Variants in MYOM3 observed in about 807,000 individuals in gnomAD.
The protein encoded by MYOM3 is myomesin-3.
Under a neutral mutation model 191.7 loss-of-function variants are expected in MYOM3, and 155 were observed. The ratio of observed to expected loss-of-function variants is 0.81; its 90% CI spans 0.71 to 0.92. The LOEUF (loss-of-function observed/expected upper bound fraction) is 0.92. Ranked by LOEUF, MYOM3 falls within the 40% of genes least tolerant of loss-of-function variation. MYOM3 has a pLI of 0.00. For missense variants in MYOM3, 1,889 were observed against 1,890.6 expected (o/e 1.00, Z 0.02); for synonymous variants, 757 against 762.9 (o/e 0.99, Z 0.13).
At chr1:24,085,381 G>T (rs886097502) in intron 15 of MYOM3, among the ~76,000 whole-genome samples, 1 of 152,184 alleles carries the variant, frequency 6.6e-6, no homozygotes, top group Non-Finnish European at 1.5e-5. Flanking sequence ...TGAATAGATG[G>T]ATAGATGGAC....
intron 36 of MYOM3, 75 bp downstream of exon 36, chr1:24,058,849 G>A: frequency 9.0e-7 from 1 of 1,105,224 alleles, no homozygotes; most frequent in East Asian, 2.4e-5. Context: ...GTGCTGCATT[G>A]TTTCGTGATC....
chr1:24,102,762 C>T (rs1643947162), intron 5 of MYOM3, among the ~76,000 whole-genome samples: 3 of 152,144 alleles, frequency 2.0e-5, no homozygotes, highest in Admixed American at 6.5e-5. Context: ...AGGACGATCG[C>T]TTGAGCCCAG....
Position 24,080,145 on chromosome 1 carries a change from C to T in MYOM3, c.2457G>A (p.Val819=), listed in dbSNP as rs1403682435. 3 of 1,613,804 alleles carry T rather than the reference C, an allele frequency of 1.9e-6. No homozygotes were observed. The highest frequency in any genetic ancestry group is 2.5e-6 in the Non-Finnish European group (3 of 1,179,830). ...RASEVRATSL[V]LQWEPPLYMG... is the part of the protein sequence containing the mutation. ...TATACAGTGGGGGTTCCCACTGCAG[C>T]ACCAGGGATGTGGCCCGCACCTCGG... is the stretch of plus-strand genomic sequence containing the variant. The change falls in exon 20 of 37, where the codon GTG becomes GTA. Residue 819 remains valine, a synonymous_variant. Coordinates refer to ENST00000374434, the MANE Select transcript of MYOM3 (RefSeq NM_152372.4).
At position 24,063,402 on chromosome 1, in the gene MYOM3, AC is replaced by A; in HGVS notation, c.3661+89del. The stretch of plus-strand genomic sequence containing the variant: ...GTGTTTGAGGTTAGAAACTAAACCC[AC>A]CCCCAATAGCCAAGGCCAGTGTTAG... On this transcript the variant is annotated intron_variant, in intron 31 of 36. Transcript: ENST00000374434. The surrounding 1 kb of genome is among the most constrained non-coding windows in gnomAD (Gnocchi z 4.5). The A allele has an allele frequency of 4.5e-6, 7 of 1,538,734 alleles. No individual in the cohort carries two copies. Among genetic ancestry groups the A allele is most frequent in the Non-Finnish European group, 6.3e-6 (7 of 1,112,576 alleles).
intron 23 of MYOM3, among the ~76,000 whole-genome samples, chr1:24,073,731 C>T (rs1296365830): frequency 1.3e-5 from 2 of 151,926 alleles, no homozygotes; most frequent in Non-Finnish European, 2.9e-5. Flanking sequence ...AGCATGGTGG[C>T]AGGCACCTGT....
intron 35 of MYOM3, among the ~76,000 whole-genome samples, chr1:24,060,132 G>A (rs1045465921): frequency 6.6e-6 from 1 of 152,160 alleles, no homozygotes; most frequent in Non-Finnish European, 1.5e-5. Context: ...ATTCCACTAT[G>A]GGCAGGGACA....
At chr1:24,082,760 A>AG (rs745351281) in intron 16 of MYOM3, 46 bp from the exon 17 acceptor site, 1 of 1,523,724 alleles carries the variant, frequency 6.6e-7, no homozygotes, top group South Asian at 1.3e-5. Context: ...AACAGCCTGG[A>AG]GACATTCCCA....
intron 21 of MYOM3, 97 bp from the exon 22 acceptor site, chr1:24,075,572 A>C: frequency 7.7e-7 from 1 of 1,299,006 alleles, no homozygotes; most frequent in Non-Finnish European, 1.0e-6. Context: ...TGCCTGTTGC[A>C]CTTAATAATA....
intron 27 of MYOM3, 63 bp downstream of exon 27, chr1:24,067,907 G>T: frequency 1.3e-6 from 2 of 1,534,764 alleles, no homozygotes; most frequent in Non-Finnish European, 1.8e-6. Context: ...TTAATCCGCA[G>T]TCCAGCATCT....
intron 9 of MYOM3, among the ~76,000 whole-genome samples, chr1:24,094,584 C>A (rs1643868539): frequency 6.6e-6 from 1 of 152,168 alleles, no homozygotes; most frequent in South Asian, 2.1e-4. Flanking sequence ...GTGGACACAG[C>A]CCCCTGGGCT....
Position 24,064,167 on chromosome 1 carries a change from G to A in MYOM3, c.3535-8C>T. 1 of 1,610,946 alleles carries A rather than the reference G, an allele frequency of 6.2e-7. No individual in the cohort carries two copies. Among genetic ancestry groups the A allele is most frequent in the Non-Finnish European group, 8.5e-7 (1 of 1,178,020 alleles). ...CTTGTCCTTTTTGGACAACTGGAAAGAAGGATGAGCGATGGTGGTGTCAGC... is the reference window on the plus strand; with the variant it reads ...CTTGTCCTTTTTGGACAACTGGAAAAAAGGATGAGCGATGGTGGTGTCAGC... On this transcript the variant is annotated splice_region_variant and splice_polypyrimidine_tract_variant and intron_variant, in intron 29 of 36. Transcript: ENST00000374434.
At chr1:24,094,797 T>A in intron 9 of MYOM3, 56 bp downstream of exon 9, 2 of 1,549,852 alleles carry the variant, frequency 1.3e-6, no homozygotes, top group Admixed American at 3.8e-5. Context: ...TGGCTCTGAG[T>A]TGAGCTTTGG....
intron 8 of MYOM3, 59 bp downstream of exon 8, chr1:24,095,383 G>T (rs1465851290): frequency 3.3e-6 from 5 of 1,508,756 alleles, no homozygotes; most frequent in Non-Finnish European, 4.6e-6. Context: ...GACTGTGGGG[G>T]TCGGGGAGCA....
In MYOM3 at chr1:24,099,726, A is replaced by C. The variant is rs1016375787; in HGVS notation, c.610T>G (p.Tyr204Asp). 11 of 1,613,742 alleles carry C rather than the reference A, an allele frequency of 6.8e-6. No homozygotes were observed. The highest frequency in any genetic ancestry group is 8.5e-6 in the Non-Finnish European group (10 of 1,179,962). Residue 204 changes from tyrosine (Y) to aspartate (D), a missense_variant, in exon 6 of 37, where the codon TAC (tyrosine) becomes GAC (aspartate). Physicochemically the swap from Tyr to Asp is radical, Grantham distance 160 (BLOSUM62 -3). Coordinates refer to ENST00000374434, the MANE Select transcript of MYOM3 (RefSeq NM_152372.4). ...IDPRLFRAGK[Y>D]RITNNYGLLS... ...AGCCCGTAGTTGTTGGTGATTCGGT[A>C]TTTTCCGGCACGAAAGAGGCGGGGA...
rs774790768 is a variant in MYOM3 at position 24,068,287 on chromosome 1, C to T, written c.3231G>A (p.Ser1077=). ...TTCCATCTTGGAGTTGAGCGGTGTACGACCCTTTGTCCTCCTCAGACAAGT... is the reference window on the plus strand; with the variant it reads ...TTCCATCTTGGAGTTGAGCGGTGTATGACCCTTTGTCCTCCTCAGACAAGT... ...IQNLSEEDKG[S]YTAQLQDGKA... The change falls in exon 26 of 37, where the codon TCG becomes TCA. Residue 1077 remains serine (S), a synonymous_variant. Coordinates refer to ENST00000374434, the MANE Select transcript of MYOM3 (RefSeq NM_152372.4). The T allele has an allele frequency of 9.9e-6, 16 of 1,613,980 alleles. No homozygotes were observed. Among genetic ancestry groups the T allele is most frequent in the East Asian group, 6.7e-5 (3 of 44,892 alleles).
intron 25 of MYOM3, 44 bp downstream of exon 25, chr1:24,071,073 C>T: frequency 6.2e-7 from 1 of 1,600,062 alleles, no homozygotes; most frequent in Non-Finnish European, 8.5e-7. Context: ...GGCCACCTCC[C>T]CGGCAGGGGA....
At chr1:24,071,091 T>C (rs549253334) in intron 25 of MYOM3, 26 bp downstream of exon 25, 4 of 1,611,108 alleles carry the variant, frequency 2.5e-6, no homozygotes, top group Non-Finnish European at 3.4e-6. Flanking sequence ...GGAGCCTCAC[T>C]TCAGGGATTG....
At position 24,068,271 on chromosome 1, in the gene MYOM3, G is replaced by C. The variant is rs1643478590; in HGVS notation, c.3247C>G (p.Gln1083Glu). Residue 1083 changes from glutamine (Q) to glutamate (E), a missense_variant, in exon 26 of 37, where the codon CAA (glutamine) becomes GAA (glutamate). Transcript: ENST00000374434. ...ATCTGGTTTTTGGCTTTTCCATCTTGGAGTTGAGCGGTGTACGACCCTTTG... is the reference window on the plus strand; with the variant it reads ...ATCTGGTTTTTGGCTTTTCCATCTTCGAGTTGAGCGGTGTACGACCCTTTG... ...EDKGSYTAQL[Q>E]DGKAKNQITL... The C allele has an allele frequency of 3.1e-6, 5 of 1,614,162 alleles. No individual in the cohort carries two copies. Among genetic ancestry groups the C allele is most frequent in the Non-Finnish European group, 4.2e-6 (5 of 1,180,008 alleles).
At position 24,067,289 on chromosome 1, in the gene MYOM3, T is replaced by C. The variant is rs1469572851; in HGVS notation, c.3356-201A>G. Among the ~76,000 whole-genome samples the C allele has an allele frequency of 6.8e-5, 9 of 132,398 alleles. No homozygotes were observed. The South Asian group carries it at 1.9e-3, about 27-fold the overall frequency. The allele number at this position is 132,398 out of a possible 152,430, so 86.9% of individuals were successfully genotyped here. ...CTTTCTTTCTTTCTTCCTTCCTTTC[T>C]TTCTTTCTTTCTTTCCTTCTTTCTT... On this transcript the variant is annotated intron_variant, in intron 27 of 36. Coordinates refer to ENST00000374434, the MANE Select transcript of MYOM3 (RefSeq NM_152372.4).
Sources: gnomAD v4.1 joint callset for allele counts (sites outside exome capture counted in the v4.1 genomes callset) on GRCh38, gnomAD v4.1.1 for gene constraint, Gnocchi (gnomAD v3.1) non-coding constraint, MANE v1.5 for transcripts, NCBI Gene and HGNC (gene_info 2026-07-23, HGNC 2026-07-21) for gene names.